Variants in GTF2H5 observed in about 807,000 individuals in gnomAD.
The protein encoded by GTF2H5 is general transcription factor IIH subunit 5.
GTF2H5 carries 5 observed loss-of-function variants against 7.1 expected under a neutral mutation model. That is an observed-to-expected ratio of 0.71 (90% CI 0.37 to 1.49). The LOEUF is 1.49. Among genes scored for constraint, GTF2H5 ranks in the 40% most tolerant of loss-of-function variants. The pLI, the probability that GTF2H5 is intolerant of heterozygous loss-of-function variation, is 0.03. For missense variants in GTF2H5, 80 were observed against 83.0 expected, an observed-to-expected ratio of 0.96 and a Z score of 0.14; for synonymous variants, 30 against 31.7, an observed-to-expected ratio of 0.95 and a Z score of 0.18.
intron 2 of GTF2H5, among the ~76,000 whole-genome samples, chr6:158,175,923 C>T (rs907389266): frequency 6.6e-6 from 1 of 152,170 alleles, no homozygotes; most frequent in East Asian, 1.9e-4. Context: ...GGAAATGACA[C>T]TGTACAATGA....
intron 1 of GTF2H5, among the ~76,000 whole-genome samples, chr6:158,169,487 A>AC (rs1393277255): frequency 1.8e-5 from 1 of 56,798 alleles, no homozygotes; most frequent in African/African-American, 9.8e-5. Context: ...TATATAATAT[A>AC]TTGTATATTA....
chr6:158,193,349 A>G lies in GTF2H5; in HGVS notation c.*1192A>G, dbSNP rs996249394. ...GAGAGTTCTGTGATCAATTGAAGGC[A>G]AAAACAGTAACACTGAGAGGGGCTT... On this transcript the variant is annotated 3_prime_UTR_variant, in exon 3 of 3. Transcript: ENST00000607778. 2 of 152,212 alleles carry G rather than the reference A, an allele frequency of 1.3e-5. No homozygotes were observed. Among genetic ancestry groups the G allele is most frequent in the Non-Finnish European group, 2.9e-5 (2 of 68,032 alleles). 9.4% of individuals were successfully genotyped at this position (152,212 alleles called of 1,614,324 possible). A position where few individuals can be genotyped will look rare whatever the true frequency, so the allele number is the denominator to read the frequency against.
chr6:158,170,651 T>C (rs1014784161), intron 2 of GTF2H5, 113 bp downstream of exon 2: 3 of 811,306 alleles, frequency 3.7e-6, no homozygotes, highest in Admixed American at 4.2e-5. Context: ...ATCAAGTCTT[T>C]CGCTTTTAAC....
At chr6:158,191,718 G>T (rs951683754) in intron 2 of GTF2H5, among the ~76,000 whole-genome samples, 1 of 152,144 alleles carries the variant, frequency 6.6e-6, no homozygotes, top group Non-Finnish European at 1.5e-5. Flanking sequence ...TCCTGACCTG[G>T]TGATCCACCC....
intron 1 of GTF2H5, among the ~76,000 whole-genome samples, chr6:158,169,528 C>CAAT (rs1785754320): frequency 2.0e-5 from 1 of 49,218 alleles, no homozygotes; most frequent in Admixed American, 4.9e-4. Flanking sequence ...ATATAATATA[C>CAAT]AGTATATTAT....
chr6:158,190,126 C>T (rs1385096486), intron 2 of GTF2H5, among the ~76,000 whole-genome samples: 1 of 151,652 alleles, frequency 6.6e-6, no homozygotes, highest in Non-Finnish European at 1.5e-5. Flanking sequence ...TAGTCTCTAA[C>T]TCCTGACCTC....
chr6:158,169,538 T>TATATAATATACAGTATATTAC (rs1785757079), intron 1 of GTF2H5, among the ~76,000 whole-genome samples: 2 of 62,920 alleles, frequency 3.2e-5, no homozygotes, highest in African/African-American at 1.4e-4. Context: ...CAGTATATTA[T>TATATAATATACAGTATATTAC]ATATAATATA....
At chr6:158,177,937 A>G (rs556486788) in intron 2 of GTF2H5, among the ~76,000 whole-genome samples, 11 of 152,160 alleles carry the variant, frequency 7.2e-5, no homozygotes, top group Non-Finnish European at 1.6e-4. Context: ...TCCGTGGTGT[A>G]TATGTGCCAC....
chr6:158,169,725 AAT>A (rs1562469342), intron 1 of GTF2H5, among the ~76,000 whole-genome samples: 6 of 68,214 alleles, frequency 8.8e-5, no homozygotes, highest in Non-Finnish European at 1.4e-4. Context: ...TATATTATAT[AAT>A]ATATTGTATA....
chr6:158,177,349 T>A (rs1416988004), intron 2 of GTF2H5, among the ~76,000 whole-genome samples: 1 of 152,182 alleles, frequency 6.6e-6, no homozygotes, highest in Non-Finnish European at 1.5e-5. Flanking sequence ...GTAATAAAAA[T>A]TAACACAGAG....
At position 158,194,150 on chromosome 6, in the gene GTF2H5, G is replaced by GA. The variant is rs1226733083; in HGVS notation, c.*1994dup. 1 of 151,970 alleles carries GA rather than the reference G, an allele frequency of 6.6e-6. No homozygotes were observed. The highest frequency in any genetic ancestry group is 1.5e-5 in the Non-Finnish European group (1 of 68,022). The allele number at this position is 151,970 out of a possible 1,614,324, so 9.4% of individuals were successfully genotyped here. On this transcript the variant is annotated 3_prime_UTR_variant, in exon 3 of 3. Transcript: ENST00000607778. Reference sequence around the variant, plus strand: ...TTAGAAAATTTTTGATAGAATCCCAGAGTTCAAAAGGTATTAGGATTTTTG... The same window carrying GA: ...TTAGAAAATTTTTGATAGAATCCCAGAAGTTCAAAAGGTATTAGGATTTTTG...
chr6:158,185,115 T>C (rs1259929674), intron 2 of GTF2H5, among the ~76,000 whole-genome samples: 1 of 151,918 alleles, frequency 6.6e-6, no homozygotes, highest in East Asian at 1.9e-4. Flanking sequence ...TCTTTGTGTT[T>C]CATGACAAAA....
At chr6:158,177,317 C>A (rs912810746) in intron 2 of GTF2H5, among the ~76,000 whole-genome samples, 1 of 152,196 alleles carries the variant, frequency 6.6e-6, no homozygotes, top group African/African-American at 2.4e-5. Context: ...TGTTACAGAT[C>A]ACAGGCTCTT....
chr6:158,173,795 A>G (rs1559851), intron 2 of GTF2H5, among the ~76,000 whole-genome samples: 149,465 of 149,876 alleles, frequency 1, 74,528 homozygotes, highest in Middle Eastern at 1. Flanking sequence ...GGCAGAGTGG[A>G]GTGGGGAGGG....
At chr6:158,173,813 C>G (rs1785891398) in intron 2 of GTF2H5, among the ~76,000 whole-genome samples, 1 of 152,132 alleles carries the variant, frequency 6.6e-6, no homozygotes, top group Admixed American at 6.5e-5. Flanking sequence ...GGGTGGGAAG[C>G]AGGCGGGCCT....
intron 2 of GTF2H5, among the ~76,000 whole-genome samples, chr6:158,188,624 C>G (rs1268882334): frequency 6.6e-6 from 1 of 151,932 alleles, no homozygotes; most frequent in East Asian, 1.9e-4. Flanking sequence ...TCTAGAAAAT[C>G]TTTTCATTTA....
At chr6:158,174,774 T>A (rs895716886) in intron 2 of GTF2H5, among the ~76,000 whole-genome samples, 2 of 152,214 alleles carry the variant, frequency 1.3e-5, no homozygotes, top group Non-Finnish European at 2.9e-5. Context: ...TTCCAACCAG[T>A]TTACATCACA....
chr6:158,181,986 T>C (rs568789209), intron 2 of GTF2H5, among the ~76,000 whole-genome samples: 51 of 152,360 alleles, frequency 3.3e-4, no homozygotes, highest in Non-Finnish European at 6.6e-4. Context: ...TCTTTACAAT[T>C]TGGCATGTTT....
rs1233128069 is a variant in GTF2H5, at chr6:158,192,867, C to T, written c.*710C>T. On this transcript the variant is annotated 3_prime_UTR_variant, in exon 3 of 3. Coordinates refer to ENST00000607778, the MANE Select transcript of GTF2H5 (RefSeq NM_207118.3). The stretch of plus-strand genomic sequence containing the variant: ...GAGTCCGAGGTTGCTACAAAAACAC[C>T]ATTGCACTCTGGCCTGGACAACAGA... 2 of 120,844 alleles carry T rather than the reference C, an allele frequency of 1.7e-5. No homozygotes were observed. The highest frequency in any genetic ancestry group is 1.1e-4 in the Admixed American group (1 of 9,248). 7.5% of individuals were successfully genotyped at this position (120,844 alleles called of 1,614,324 possible). A position where few individuals can be genotyped will look rare whatever the true frequency, so the allele number is the denominator to read the frequency against.
Sources: allele counts gnomAD v4.1 joint callset (sites outside exome capture counted in the v4.1 genomes callset), GRCh38; gene constraint gnomAD v4.1.1; transcripts MANE v1.5; gene names NCBI Gene and HGNC (gene_info 2026-07-23, HGNC 2026-07-21).